PCDHGB5: variants seen among roughly 807,000 people sequenced by gnomAD.
PCDHGB5 encodes the protein protocadherin gamma subfamily B, 5, also known as protocadherin gamma-B5.
In PCDHGB5, 48 loss-of-function variants were observed where a neutral mutation model predicts 62.9. The observed-to-expected ratio is 0.76, with a 90% CI of 0.61 to 0.97. The LOEUF (loss-of-function observed/expected upper bound fraction) is 0.97, where lower values mean the gene tolerates loss of function less well. Ranked by LOEUF, PCDHGB5 falls within the 50% of genes least tolerant of loss-of-function variation. The pLI, the probability that PCDHGB5 is intolerant of heterozygous loss-of-function variation, is 0.00. For missense variants in PCDHGB5, 1,118 were observed against 1,198.6 expected (o/e 0.93, Z 0.99); for synonymous variants, 474 against 511.2 (o/e 0.93, Z 0.98).
At position 141,400,330 on chromosome 5, in the gene PCDHGB5, G is replaced by A. The variant is rs2094004189; in HGVS notation, c.2203G>A (p.Val735Ile). ...TCTCTGTGTCAAGTCTGGACCTGTG[G>A]TTCCCCCCAACTACAGTCAGGGGAC... ...PGLCVKSGPV[V>I]PPNYSQGTLP... The change falls in exon 1 of 4, where the codon GTT (valine) becomes ATT (isoleucine). Residue 735 changes from valine to isoleucine, a missense_variant. Val to Ile is a conservative substitution (Grantham distance 29). Coordinates refer to ENST00000617380, the MANE Select transcript of PCDHGB5 (RefSeq NM_018925.3). The A allele has an allele frequency of 6.2e-7, 1 of 1,614,082 alleles. No individual in the cohort carries two copies. The highest frequency in any genetic ancestry group is 1.7e-5 in the Admixed American group (1 of 60,028).
intron 1 of PCDHGB5, chr5:141,403,819 T>A (rs1264553327): frequency 1.2e-6 from 2 of 1,613,784 alleles, no homozygotes; most frequent in Admixed American, 3.3e-5. Flanking sequence ...AAAAACAATC[T>A]CTGCTATTCC....
rs2096651086 is a variant in PCDHGB5 at position 141,422,486 on chromosome 5, A to G, written c.2397+21962A>G. Reference sequence around the variant, plus strand: ...GACAGGGAGTTGGTCCAGAGCTACAATATAACGTTGACAGCCACAGACCAG... The same window carrying G: ...GACAGGGAGTTGGTCCAGAGCTACAGTATAACGTTGACAGCCACAGACCAG... On this transcript the variant is annotated intron_variant, in intron 1 of 3. Coordinates refer to ENST00000617380, the MANE Select transcript of PCDHGB5 (RefSeq NM_018925.3). The G allele has an allele frequency of 1.2e-6, 2 of 1,613,852 alleles. No individual in the cohort carries two copies. The highest frequency in any genetic ancestry group is 1.3e-5 in the African/African-American group (1 of 74,924).
At chr5:141,501,116 C>T (rs1325487254) in intron 2 of PCDHGB5, among the ~76,000 whole-genome samples, 1 of 152,154 alleles carries the variant, frequency 6.6e-6, no homozygotes, top group Non-Finnish European at 1.5e-5. Flanking sequence ...ATCCGCCTGC[C>T]TCAGCCTCCC....
chr5:141,430,635 T>A, intron 1 of PCDHGB5: 3 of 881,948 alleles, frequency 3.4e-6, no homozygotes, highest in Non-Finnish European at 5.0e-6. Flanking sequence ...GAACCATCCC[T>A]GGGAGTATGT....
At chr5:141,449,948 C>T (rs1294423807) in intron 1 of PCDHGB5, among the ~76,000 whole-genome samples, 1 of 151,034 alleles carries the variant, frequency 6.6e-6, no homozygotes, top group Non-Finnish European at 1.5e-5. Context: ...TTTTACTATA[C>T]CTCATAGTAA....
At chr5:141,403,131 C>A (rs1377543238) in intron 1 of PCDHGB5, 2 of 1,613,916 alleles carry the variant, frequency 1.2e-6, no homozygotes, top group East Asian at 4.5e-5. Context: ...CGGGAGCTGG[C>A]GGAGCGCCGA....
At chr5:141,450,957 T>G (rs2154563418) in intron 1 of PCDHGB5, among the ~76,000 whole-genome samples, 1 of 152,010 alleles carries the variant, frequency 6.6e-6, no homozygotes, top group Non-Finnish European at 1.5e-5. Context: ...CCCAAGTAGC[T>G]GGGATTACAG....
At chr5:141,408,556 T>G (rs1215804867) in intron 1 of PCDHGB5, 1 of 1,613,940 alleles carries the variant, frequency 6.2e-7, no homozygotes, top group Non-Finnish European at 8.5e-7. Context: ...ATATTTTTCA[T>G]GTCATTGTGG....
chr5:141,403,649 T>A, intron 1 of PCDHGB5: 7 of 1,613,874 alleles, frequency 4.3e-6, no homozygotes, highest in Non-Finnish European at 5.9e-6. Flanking sequence ...TGTGACAGTG[T>A]TGGATACAAA....
rs1486791355 is a variant in PCDHGB5 at position 141,476,804 on chromosome 5, A to G, written c.2398-18003A>G. Reference sequence around the variant, plus strand: ...CCCAGCTCTCTCCGCCAGCCTGCCTATTCACATCAAGGTGCTGGACGCGAA... The same window carrying G: ...CCCAGCTCTCTCCGCCAGCCTGCCTGTTCACATCAAGGTGCTGGACGCGAA... On this transcript the variant is annotated intron_variant, in intron 1 of 3. Coordinates refer to ENST00000617380, the MANE Select transcript of PCDHGB5 (RefSeq NM_018925.3). The surrounding 1 kb of genome is among the most constrained non-coding windows in gnomAD (Gnocchi z 7.6). 5 of 1,613,476 alleles carry G rather than the reference A, an allele frequency of 3.1e-6. No individual in the cohort carries two copies. Among genetic ancestry groups the G allele is most frequent in the South Asian group, 2.2e-5 (2 of 91,080 alleles).
intron 1 of PCDHGB5, among the ~76,000 whole-genome samples, chr5:141,494,447 G>C (rs1413012155): frequency 6.6e-6 from 1 of 152,118 alleles, no homozygotes. Context: ...GCCACTTTAG[G>C]GGGCTTTGTC....
intron 1 of PCDHGB5, chr5:141,428,501 C>A (rs970043746): frequency 8.4e-5 from 24 of 285,544 alleles, no homozygotes; most frequent in African/African-American, 3.9e-4. Context: ...TATGTTCCCT[C>A]GGATTCTAGA....
At chr5:141,478,269 A>G in intron 1 of PCDHGB5, 1 of 1,614,146 alleles carries the variant, frequency 6.2e-7, no homozygotes, top group Non-Finnish European at 8.5e-7. Flanking sequence ...TTCAAAGTTT[A>G]CAAGTGGAAG....
Position 141,485,890 on chromosome 5 carries a change from C to G in PCDHGB5, c.2398-8917C>G. 4 of 1,614,156 alleles carry G rather than the reference C, an allele frequency of 2.5e-6. No individual in the cohort carries two copies. Among genetic ancestry groups the G allele is most frequent in the Non-Finnish European group, 2.5e-6 (3 of 1,180,022 alleles). The stretch of plus-strand genomic sequence containing the variant: ...CCGTGCTGGACGTAAACGACAACGC[C>G]CCAGCCTTCCAGCAATCCAGCTACA... On this transcript the variant is annotated intron_variant, in intron 1 of 3. Coordinates refer to ENST00000617380, the MANE Select transcript of PCDHGB5 (RefSeq NM_018925.3). The surrounding 1 kb of genome is among the most constrained non-coding windows in gnomAD (Gnocchi z 5.7).
At chr5:141,425,353 T>C (rs868017955) in intron 1 of PCDHGB5, among the ~76,000 whole-genome samples, 2 of 152,296 alleles carry the variant, frequency 1.3e-5, no homozygotes, top group Middle Eastern at 3.4e-3. Context: ...CTTTGAAATG[T>C]GATATTAAGA....
At chr5:141,492,168 A>C (rs1426223836) in intron 1 of PCDHGB5, among the ~76,000 whole-genome samples, 1 of 152,108 alleles carries the variant, frequency 6.6e-6, no homozygotes, top group African/African-American at 2.4e-5. Context: ...CTATCCCCGC[A>C]TCACCCAACC....
chr5:141,465,019 G>T (rs533151051), intron 1 of PCDHGB5, among the ~76,000 whole-genome samples: 1 of 151,978 alleles, frequency 6.6e-6, no homozygotes, highest in Non-Finnish European at 1.5e-5. Context: ...TAAGATTACA[G>T]CCATGAACCA....
At position 141,486,827 on chromosome 5, in the gene PCDHGB5, C is replaced by G. The variant is rs758132181; in HGVS notation, c.2398-7980C>G. 1.2e-6 allele frequency: 2 copies of G among 1,614,228 alleles called. No homozygotes were observed. Among genetic ancestry groups the G allele is most frequent in the Admixed American group, 1.7e-5 (1 of 60,034 alleles). On this transcript the variant is annotated intron_variant, in intron 1 of 3. Transcript: ENST00000617380. This position sits in a 1 kb window ranked among gnomAD's most constrained non-coding sequence, Gnocchi z 5.0. ...ACCCCTTAGCAGCACTGTAACAGTTCGTCTATTTGTGCTGGACCTCAATGA... is the reference window on the plus strand; with the variant it reads ...ACCCCTTAGCAGCACTGTAACAGTTGGTCTATTTGTGCTGGACCTCAATGA...
Position 141,489,384 on chromosome 5 carries a change from T to C in PCDHGB5, c.2398-5423T>C, listed in dbSNP as rs2099686499. The stretch of plus-strand genomic sequence containing the variant: ...AGCCGGGGACGCTGGTGGGGAATGT[T>C]GCTCAGGATCTGGGCTTAAAGATGA... On this transcript the variant is annotated intron_variant, in intron 1 of 3. Transcript: ENST00000617380. The surrounding 1 kb of genome is among the most constrained non-coding windows in gnomAD (Gnocchi z 4.5). 1 of 1,613,986 alleles carries C rather than the reference T, an allele frequency of 6.2e-7. No individual in the cohort carries two copies. The highest frequency in any genetic ancestry group is 8.5e-7 in the Non-Finnish European group (1 of 1,179,842).
Sources: allele counts gnomAD v4.1 joint callset (sites outside exome capture counted in the v4.1 genomes callset), GRCh38; gene constraint gnomAD v4.1.1; non-coding constraint Gnocchi (gnomAD v3.1); transcripts MANE v1.5; gene names NCBI Gene and HGNC (gene_info 2026-07-23, HGNC 2026-07-21).